FHIT: variants seen among roughly 807,000 people sequenced by gnomAD.
The protein encoded by FHIT is fragile histidine triad diadenosine triphosphatase, also known as bis(5'-adenosyl)-triphosphatase.
Under a neutral mutation model 17.9 loss-of-function variants are expected in FHIT, and 19 were observed. The observed-to-expected ratio is 1.06, with a 90% CI of 0.74 to 1.56. FHIT has a LOEUF of 1.56. Among genes scored for constraint, FHIT ranks in the 40% most tolerant of loss-of-function variants. The pLI, the probability that FHIT is intolerant of heterozygous loss-of-function variation, is 0.00. For synonymous variants in FHIT, 81 were observed against 69.7 expected (o/e 1.16, Z -0.81); for missense variants, 248 against 189.2 (o/e 1.31, Z -1.82).
chr3:60,435,095 T>C (rs1266979825), intron 5 of FHIT, among the ~76,000 whole-genome samples: 1 of 152,158 alleles, frequency 6.6e-6, no homozygotes, highest in African/African-American at 2.4e-5. Context: ...GATGACTGTG[T>C]GCTGGGCCAG....
At chr3:60,121,896 A>G (rs1705274116) in intron 5 of FHIT, among the ~76,000 whole-genome samples, 1 of 152,062 alleles carries the variant, frequency 6.6e-6, no homozygotes, top group African/African-American at 2.4e-5. Context: ...ACATTTCACA[A>G]TGTTGTATCT....
At chr3:61,112,187 G>T (rs946451865) in intron 2 of FHIT, among the ~76,000 whole-genome samples, 2 of 152,072 alleles carry the variant, frequency 1.3e-5, no homozygotes, top group Non-Finnish European at 2.9e-5. Context: ...ATCACTGAAG[G>T]TATGCGGAAT....
chr3:60,421,450 T>A (rs1702462054), intron 5 of FHIT, among the ~76,000 whole-genome samples: 2 of 152,134 alleles, frequency 1.3e-5, no homozygotes, highest in African/African-American at 4.8e-5. Flanking sequence ...TTTCAGATGG[T>A]GAGACCCAGA....
intron 2 of FHIT, among the ~76,000 whole-genome samples, chr3:61,094,340 G>A (rs1350402630): frequency 1.3e-5 from 2 of 152,198 alleles, no homozygotes; most frequent in Non-Finnish European, 2.9e-5. Context: ...CTTACTGTCT[G>A]TGCAACCTTG....
In FHIT at chr3:60,614,561, T is replaced by A. The variant is rs2038882790; in HGVS notation, c.-17-77582A>T. 2.0e-5 allele frequency among the ~76,000 whole-genome samples: 3 copies of A among 151,952 alleles called. 1 individual carries two copies. The South Asian group carries it at 6.2e-4, about 32-fold the overall frequency. On this transcript the variant is annotated intron_variant, in intron 4 of 9. Transcript: ENST00000492590. ...AGAGGTTGCAGTGAGACGAGATCGA[T>A]CACGTCATTGCACTCCAGCCTGGAC... is the stretch of plus-strand genomic sequence containing the variant.
At chr3:60,009,715 T>C (rs1700068280) in intron 7 of FHIT, among the ~76,000 whole-genome samples, 1 of 152,214 alleles carries the variant, frequency 6.6e-6, no homozygotes, top group African/African-American at 2.4e-5. Context: ...ATTCACAATG[T>C]TGCACAACCA....
chr3:60,445,380 C>A (rs567423541), intron 5 of FHIT, among the ~76,000 whole-genome samples: 7 of 151,832 alleles, frequency 4.6e-5, no homozygotes, highest in Admixed American at 1.3e-4. Context: ...TGGTCTGTAG[C>A]TTTAAGAAGC....
chr3:60,628,849 A>G (rs79082706), intron 4 of FHIT, among the ~76,000 whole-genome samples: 23,432 of 152,030 alleles, frequency 0.15, 3,053 homozygotes, highest in East Asian at 0.58. Context: ...GCAAAATCTG[A>G]GCCTGGAGCT....
At chr3:60,988,052 G>A (rs1171364165) in intron 3 of FHIT, among the ~76,000 whole-genome samples, 1 of 152,160 alleles carries the variant, frequency 6.6e-6, no homozygotes, top group African/African-American at 2.4e-5. Context: ...GCTTCTTAGA[G>A]AGAGAGGGAA....
chr3:60,569,748 T>C (rs1417174538), intron 4 of FHIT, among the ~76,000 whole-genome samples: 3 of 72,744 alleles, frequency 4.1e-5, no homozygotes, highest in African/African-American at 1.7e-4. Flanking sequence ...TATATATATA[T>C]ATATATATTT....
intron 5 of FHIT, among the ~76,000 whole-genome samples, chr3:60,092,530 T>C (rs751132068): frequency 3.9e-5 from 6 of 152,220 alleles, no homozygotes; most frequent in Non-Finnish European, 7.3e-5. Context: ...TGAAACATGA[T>C]AGCATTTCTA....
chr3:60,541,103 A>G (rs984937612), intron 4 of FHIT, among the ~76,000 whole-genome samples: 1 of 152,200 alleles, frequency 6.6e-6, no homozygotes, highest in Non-Finnish European at 1.5e-5. Flanking sequence ...TTCCTACAGA[A>G]TTCCTGCCAA....
rs143688502 is a variant in FHIT, at chr3:60,556,660, C to T, written c.-17-19681G>A. On this transcript the variant is annotated intron_variant, in intron 4 of 9. Transcript: ENST00000492590. ...CTCAGTACAAGTGGTCACCCAACAC[C>T]GCTCAGAAAACGGTTAGGCAAAATG... Among the ~76,000 whole-genome samples, 652 of 152,332 alleles carry T rather than the reference C, an allele frequency of 4.3e-3. 4 individuals are homozygous for T. The highest frequency in any genetic ancestry group is 0.021 in the South Asian group (103 of 4,828).
chr3:60,981,382 G>A (rs542324091), intron 3 of FHIT, among the ~76,000 whole-genome samples: 5 of 143,674 alleles, frequency 3.5e-5, no homozygotes, highest in Non-Finnish European at 7.5e-5. Flanking sequence ...TTAGCTCACT[G>A]CAATCTCCAC....
chr3:60,384,035 C>T (rs142539807), intron 5 of FHIT, among the ~76,000 whole-genome samples: 448 of 152,002 alleles, frequency 2.9e-3, no homozygotes, highest in African/African-American at 0.011. Context: ...TTTGGGAGGC[C>T]GAGGTGGGTG....
intron 1 of FHIT, among the ~76,000 whole-genome samples, chr3:61,205,708 C>T (rs200472185): frequency 3.3e-5 from 5 of 152,076 alleles, no homozygotes; most frequent in South Asian, 4.1e-4. Context: ...ATTGTAGATT[C>T]GGGATATTAG....
chr3:60,696,748 C>A (rs1199219230), intron 4 of FHIT, among the ~76,000 whole-genome samples: 1 of 152,126 alleles, frequency 6.6e-6, no homozygotes, highest in African/African-American at 2.4e-5. Flanking sequence ...TTGATATCTA[C>A]ATGAATAATA....
At chr3:60,121,709 AACACACACACACACAC>A (rs57250663) in intron 5 of FHIT, among the ~76,000 whole-genome samples, 3 of 116,336 alleles carry the variant, frequency 2.6e-5, no homozygotes, top group Admixed American at 2.5e-4. Flanking sequence ...AAACAAAACA[AACACACACACACACAC>A]ACACACACAC....
chr3:60,055,148 A>T (rs1702031209), intron 5 of FHIT, among the ~76,000 whole-genome samples: 1 of 152,166 alleles, frequency 6.6e-6, no homozygotes, highest in Admixed American at 6.5e-5. Context: ...TCACATGGCA[A>T]GAAGGGTACC....
Sources: allele counts gnomAD v4.1 joint callset (sites outside exome capture counted in the v4.1 genomes callset), GRCh38; gene constraint gnomAD v4.1.1; transcripts MANE v1.5; gene names NCBI Gene and HGNC (gene_info 2026-07-23, HGNC 2026-07-21).